The following SLIT2 variants were observed in gnomAD, a reference collection of about 807,000 sequenced individuals.
SLIT2 encodes slit guidance ligand 2, also known as slit homolog 2 protein.
A neutral mutation model predicts 185.7 loss-of-function variants in SLIT2; 41 were observed. That is an observed-to-expected ratio of 0.22 (90% confidence interval 0.17 to 0.29). The LOEUF (loss-of-function observed/expected upper bound fraction) is 0.29. Among genes scored for constraint, SLIT2 ranks in the 10% least tolerant of loss-of-function variants. The probability of loss-of-function intolerance (pLI) is 1.00; values close to 1 mark genes in which losing one functional copy is unlikely to be tolerated. For missense variants in SLIT2, 1,571 were observed against 1,909.0 expected (o/e 0.82, Z 3.30); for synonymous variants, 693 against 680.2 (o/e 1.02, Z -0.29).
intron 4 of SLIT2, among the ~76,000 whole-genome samples, chr4:20,367,740 C>T (rs1723225866): frequency 6.6e-6 from 1 of 152,044 alleles, no homozygotes; most frequent in Admixed American, 6.6e-5. Context: ...CCTATCTTTG[C>T]CATCAGTGTT....
chr4:20,360,404 G>GACCT (rs1474477119), intron 4 of SLIT2, among the ~76,000 whole-genome samples: 1 of 152,078 alleles, frequency 6.6e-6, no homozygotes, highest in Non-Finnish European at 1.5e-5. Flanking sequence ...CTAGACAAAT[G>GACCT]CAAGAGGGCT....
Position 20,480,704 on chromosome 4 carries a change from T to A in SLIT2, c.468-12T>A, listed in dbSNP as rs752988776. 6.2e-7 allele frequency: 1 copy of A among 1,608,426 alleles called. No homozygotes were observed. The highest frequency in any genetic ancestry group is 8.5e-7 in the Non-Finnish European group (1 of 1,174,910). On this transcript the variant is annotated splice_polypyrimidine_tract_variant and intron_variant, in intron 5 of 36. Coordinates refer to ENST00000504154, the MANE Select transcript of SLIT2 (RefSeq NM_004787.4). ...ATCCCTTCTACATATATTCTTCTAA[T>A]CTTTTTAACAGGCAACTGGATTACA... is the stretch of plus-strand genomic sequence containing the variant.
chr4:20,313,108 T>C (rs1202673217), intron 4 of SLIT2, among the ~76,000 whole-genome samples: 1 of 152,200 alleles, frequency 6.6e-6, no homozygotes. Context: ...TGACTTTCTG[T>C]AAAAAGTGGC....
chr4:20,292,786 TTTTC>T (rs1716087097), intron 4 of SLIT2, among the ~76,000 whole-genome samples: 1 of 152,330 alleles, frequency 6.6e-6, no homozygotes, highest in South Asian at 2.1e-4. Context: ...GCTTTTTCTT[TTTTC>T]TTTATTTTTT....
intron 4 of SLIT2, among the ~76,000 whole-genome samples, chr4:20,353,527 A>T (rs574810345): frequency 3.0e-4 from 46 of 151,986 alleles, no homozygotes; most frequent in South Asian, 2.5e-3. Flanking sequence ...ATATTTATTT[A>T]AAAAAAACAA....
intron 4 of SLIT2, among the ~76,000 whole-genome samples, chr4:20,315,530 T>C (rs1718498763): frequency 6.6e-6 from 1 of 152,062 alleles, no homozygotes; most frequent in South Asian, 2.1e-4. Context: ...GTGTATCAAA[T>C]TGTAAATATT....
At position 20,399,914 on chromosome 4, in the gene SLIT2, C is replaced by G. The variant is rs140579697; in HGVS notation, c.396-67838C>G. 1.7e-3 allele frequency among the ~76,000 whole-genome samples: 254 copies of G among 151,658 alleles called. 2 individuals carry two copies. Among genetic ancestry groups the G allele is most frequent in the African/African-American group, 6.0e-3 (248 of 41,418 alleles). ...GTGTCTGAGCATTCAGAAGATGCAT[C>G]AGAAGATGATGGATGAGGATAATGT... On this transcript the variant is annotated intron_variant, in intron 4 of 36. Transcript: ENST00000504154.
At chr4:20,317,752 A>G (rs1718724518) in intron 4 of SLIT2, among the ~76,000 whole-genome samples, 1 of 152,040 alleles carries the variant, frequency 6.6e-6, no homozygotes, top group East Asian at 1.9e-4. Flanking sequence ...ATGAGTTACT[A>G]CTACAAAGGC....
At chr4:20,512,708 C>G (rs533141532) in intron 11 of SLIT2, among the ~76,000 whole-genome samples, 41 of 152,222 alleles carry the variant, frequency 2.7e-4, no homozygotes, top group Non-Finnish European at 5.1e-4. Flanking sequence ...TACAGAAGGA[C>G]AAAAGGCAAA....
intron 4 of SLIT2, among the ~76,000 whole-genome samples, chr4:20,444,382 T>A (rs1322180985): frequency 2.6e-5 from 4 of 151,638 alleles, no homozygotes; most frequent in Non-Finnish European, 4.4e-5. Context: ...TGTTGAAGGT[T>A]GTTTCTTAAA....
chr4:20,458,615 C>T (rs984121898), intron 4 of SLIT2, among the ~76,000 whole-genome samples: 2 of 152,160 alleles, frequency 1.3e-5, no homozygotes, highest in Non-Finnish European at 2.9e-5. Context: ...GAAACCACAG[C>T]TCCAGGGTGA....
At chr4:20,513,038 C>G (rs1330959854) in intron 11 of SLIT2, among the ~76,000 whole-genome samples, 1 of 152,082 alleles carries the variant, frequency 6.6e-6, no homozygotes, top group South Asian at 2.1e-4. Flanking sequence ...ATCTAATAAA[C>G]AATAAAATAG....
At chr4:20,589,560 TA>T in intron 29 of SLIT2, 83 bp from the exon 30 acceptor site, 1 of 1,045,852 alleles carries the variant, frequency 9.6e-7, no homozygotes, top group Non-Finnish European at 1.5e-6. Context: ...CCCTAACCTC[TA>T]AGACCCATGA....
At chr4:20,371,894 C>T (rs1016167694) in intron 4 of SLIT2, among the ~76,000 whole-genome samples, 2 of 151,732 alleles carry the variant, frequency 1.3e-5, no homozygotes, top group African/African-American at 4.8e-5. Flanking sequence ...ATTTTAATTA[C>T]AAGGAAGAGC....
chr4:20,603,487 T>C (rs1022488767), intron 33 of SLIT2, among the ~76,000 whole-genome samples: 2 of 152,236 alleles, frequency 1.3e-5, no homozygotes, highest in Admixed American at 1.3e-4. Context: ...AATAATCTGC[T>C]CTTTCAAAGT....
chr4:20,260,725 G>A (rs1712362609), intron 3 of SLIT2, among the ~76,000 whole-genome samples: 1 of 151,702 alleles, frequency 6.6e-6, no homozygotes, highest in African/African-American at 2.4e-5. Flanking sequence ...TTTAATTGTA[G>A]CATGGAATGG....
intron 4 of SLIT2, among the ~76,000 whole-genome samples, chr4:20,451,485 TATAAA>T (rs1712471825): frequency 6.6e-6 from 1 of 152,140 alleles, no homozygotes; most frequent in Non-Finnish European, 1.5e-5. Flanking sequence ...TTCCAACCCT[TATAAA>T]ATGAAATGTA....
intron 4 of SLIT2, among the ~76,000 whole-genome samples, chr4:20,442,516 T>A (rs1285224766): frequency 1.5e-4 from 16 of 108,730 alleles, no homozygotes; most frequent in Non-Finnish European, 2.8e-4. Context: ...AGAGGGAGAC[T>A]CTGTCTCAAA....
chr4:20,387,925 T>C (rs188402113), intron 4 of SLIT2, among the ~76,000 whole-genome samples: 10 of 152,248 alleles, frequency 6.6e-5, no homozygotes, highest in African/African-American at 2.2e-4. Flanking sequence ...AAGCCACTTC[T>C]ACCCCAAAGC....
Sources: gnomAD v4.1 joint callset for allele counts (sites outside exome capture counted in the v4.1 genomes callset) on GRCh38, gnomAD v4.1.1 for gene constraint, MANE v1.5 for transcripts, NCBI Gene and HGNC (gene_info 2026-07-23, HGNC 2026-07-21) for gene names.